Variants in SOX13 observed in about 807,000 individuals in gnomAD.
SOX13 encodes SRY-box transcription factor 13.
A neutral mutation model predicts 71.8 loss-of-function variants in SOX13; 28 were observed. That is an observed-to-expected ratio of 0.39 (90% CI 0.29 to 0.53). SOX13 has a LOEUF of 0.53. Among genes scored for constraint, SOX13 ranks in the 20% least tolerant of loss-of-function variants. The pLI is 0.70. For missense variants in SOX13, 627 were observed against 810.3 expected (o/e 0.77, Z 2.75); for synonymous variants, 309 against 317.8 (o/e 0.97, Z 0.29).
chr1:204,105,413 C>CTTTTTT (rs35841451), intron 1 of SOX13, among the ~76,000 whole-genome samples: 74 of 137,978 alleles, frequency 5.4e-4, no homozygotes, highest in Non-Finnish European at 8.0e-4. Flanking sequence ...TGTATAATCT[C>CTTTTTT]TTTTTTTTTT....
At chr1:204,105,411 C>CTTT (rs79931632) in intron 1 of SOX13, among the ~76,000 whole-genome samples, 5 of 75,044 alleles carry the variant, frequency 6.7e-5, no homozygotes, top group Non-Finnish European at 1.2e-4. Flanking sequence ...TCTGTATAAT[C>CTTT]TCTTTTTTTT....
At chr1:204,106,517 ATTT>A (rs34769472) in intron 1 of SOX13, among the ~76,000 whole-genome samples, 1 of 140,010 alleles carries the variant, frequency 7.1e-6, no homozygotes. Flanking sequence ...TCCAAAATAA[ATTT>A]TTTTTTTTTT....
chr1:204,109,356 C>T (rs1656532270), intron 1 of SOX13, among the ~76,000 whole-genome samples: 1 of 152,158 alleles, frequency 6.6e-6, no homozygotes, highest in African/African-American at 2.4e-5. Context: ...TGTCAACGAC[C>T]GAACACATAT....
intron 1 of SOX13, among the ~76,000 whole-genome samples, chr1:204,078,750 C>T (rs553597714): frequency 9.2e-5 from 14 of 152,318 alleles, no homozygotes; most frequent in East Asian, 3.9e-4. Flanking sequence ...GTCTTTGCCT[C>T]GGTGACTACC....
intron 1 of SOX13, among the ~76,000 whole-genome samples, chr1:204,083,273 G>T (rs1009397265): frequency 6.6e-6 from 1 of 152,134 alleles, no homozygotes; most frequent in African/African-American, 2.4e-5. Flanking sequence ...GGCCACAGGT[G>T]TAAGGAGCCT....
chr1:204,117,539 G>A, intron 6 of SOX13, 54 bp from the exon 7 acceptor site: 3 of 1,154,104 alleles, frequency 2.6e-6, no homozygotes, highest in Non-Finnish European at 3.8e-6. Flanking sequence ...GCTGACCATA[G>A]CTGGGTAGCT....
At chr1:204,083,620 C>CG (rs1372423153) in intron 1 of SOX13, among the ~76,000 whole-genome samples, 2 of 152,184 alleles carry the variant, frequency 1.3e-5, no homozygotes, top group African/African-American at 4.8e-5. Context: ...TAAGCAGCCG[C>CG]GGGGCCTTAC....
chr1:204,098,617 C>T (rs1429840678), intron 1 of SOX13, among the ~76,000 whole-genome samples: 1 of 152,186 alleles, frequency 6.6e-6, no homozygotes, highest in Admixed American at 6.5e-5. Flanking sequence ...CCAGGGTCTA[C>T]TGAACACTCA....
intron 1 of SOX13, among the ~76,000 whole-genome samples, chr1:204,106,867 C>G (rs188767074): frequency 6.6e-6 from 1 of 152,292 alleles, no homozygotes; most frequent in East Asian, 1.9e-4. Context: ...CTTTTAAGGT[C>G]AAGTTCAAAG....
At position 204,125,984 on chromosome 1, in the gene SOX13, G is replaced by T. The variant is rs1352932507; in HGVS notation, c.1719G>T (p.Val573=). ...VPRSLDPNMP[V]IVNTCSLREE... ...GTAGCCTGGACCCCAACATGCCTGT[G>T]ATCGTCAACACCTGCAGCCTCAGAG... The change falls in exon 14 of 14, where the codon GTG becomes GTT. Residue 573 remains valine, a synonymous_variant. Coordinates refer to ENST00000367204, the MANE Select transcript of SOX13 (RefSeq NM_005686.3). The T allele has an allele frequency of 1.2e-6, 2 of 1,613,864 alleles. No individual in the cohort carries two copies. The highest frequency in any genetic ancestry group is 2.7e-5 in the African/African-American group (2 of 74,944).
chr1:204,074,361 C>T (rs1236287143), intron 1 of SOX13: 1 of 142,992 alleles, frequency 7.0e-6, no homozygotes, highest in African/African-American at 2.6e-5. Flanking sequence ...CTTCTTGCTA[C>T]CCCCACCTCC....
At chr1:204,112,809 C>T in intron 1 of SOX13, 106 bp from the exon 2 acceptor site, 1 of 822,386 alleles carries the variant, frequency 1.2e-6, no homozygotes. Flanking sequence ...TGACAGGCAC[C>T]AGGAGGCACT....
At chr1:204,075,362 C>G (rs1430111290) in intron 1 of SOX13, among the ~76,000 whole-genome samples, 1 of 151,818 alleles carries the variant, frequency 6.6e-6, no homozygotes, top group South Asian at 2.1e-4. Flanking sequence ...ACTCCGTAAT[C>G]TGCGCCTCGG....
intron 1 of SOX13, chr1:204,078,017 T>A (rs1248688343): frequency 1.3e-5 from 2 of 152,210 alleles, no homozygotes; most frequent in Admixed American, 1.3e-4. Context: ...TTTCACCGTG[T>A]TGGTTTGGCT....
chr1:204,107,806 A>C (rs1656501456), intron 1 of SOX13, among the ~76,000 whole-genome samples: 1 of 152,246 alleles, frequency 6.6e-6, no homozygotes, highest in African/African-American at 2.4e-5. Flanking sequence ...ACTAAGGGCC[A>C]GTGCCCAGCA....
chr1:204,123,646 A>G lies in SOX13; in HGVS notation c.1232-15A>G. The G allele has an allele frequency of 6.2e-7, 1 of 1,610,184 alleles. No individual in the cohort carries two copies. The stretch of plus-strand genomic sequence containing the variant: ...CCAGACAGGCTGCTTGGCTGACTTC[A>G]CTCCTGTCTCCCAGGCTCCCGCCAC... On this transcript the variant is annotated splice_polypyrimidine_tract_variant and intron_variant, in intron 11 of 13. Transcript: ENST00000367204. This position sits in a 1 kb window ranked among gnomAD's most constrained non-coding sequence, Gnocchi z 5.0.
chr1:204,102,691 G>T (rs181744045), intron 1 of SOX13, among the ~76,000 whole-genome samples: 2 of 151,236 alleles, frequency 1.3e-5, no homozygotes, highest in African/African-American at 2.4e-5. Context: ...TTGACCATGT[G>T]GGGGAAGGGG....
chr1:204,103,916 C>A (rs541384748), intron 1 of SOX13, among the ~76,000 whole-genome samples: 1 of 152,202 alleles, frequency 6.6e-6, no homozygotes, highest in Non-Finnish European at 1.5e-5. Flanking sequence ...ACACTGGGAG[C>A]CTCAATGGCG....
intron 1 of SOX13, among the ~76,000 whole-genome samples, chr1:204,099,301 T>C (rs1258123564): frequency 6.6e-6 from 1 of 152,188 alleles, no homozygotes; most frequent in Non-Finnish European, 1.5e-5. Context: ...ATTAAAAGGC[T>C]AAATCCTTAT....
Sources: gnomAD v4.1 joint callset for allele counts (sites outside exome capture counted in the v4.1 genomes callset) on GRCh38, gnomAD v4.1.1 for gene constraint, Gnocchi (gnomAD v3.1) non-coding constraint, MANE v1.5 for transcripts, NCBI Gene and HGNC (gene_info 2026-07-23, HGNC 2026-07-21) for gene names.